The following COG5 variants were observed in gnomAD, a reference collection of about 807,000 sequenced individuals.
COG5 encodes the protein component of oligomeric golgi complex 5.
Under a neutral mutation model 110.4 loss-of-function variants are expected in COG5, and 86 were observed. The observed-to-expected ratio is 0.78, with a 90% CI of 0.65 to 0.93. The LOEUF is 0.93. Among genes scored for constraint, COG5 ranks in the 40% least tolerant of loss-of-function variants. COG5 has a pLI of 0.00. For synonymous variants in COG5, 360 were observed against 334.6 expected (o/e 1.08, Z -0.83); for missense variants, 1,077 against 987.0 (o/e 1.09, Z -1.22).
intron 5 of COG5, among the ~76,000 whole-genome samples, chr7:107,541,613 TAA>T (rs201691865): frequency 0.012 from 1,656 of 141,802 alleles, 32 homozygotes; most frequent in African/African-American, 0.041. Context: ...AGAGAAGATA[TAA>T]AAAGACACAA....
intron 12 of COG5, among the ~76,000 whole-genome samples, chr7:107,294,713 C>CTTTTTT (rs796291188): frequency 1.8e-5 from 2 of 110,032 alleles, no homozygotes; most frequent in Non-Finnish European, 1.8e-5. Context: ...AATTTTCTTT[C>CTTTTTT]TTTTTTTTTT....
intron 10 of COG5, among the ~76,000 whole-genome samples, chr7:107,353,862 T>C (rs1254464100): frequency 2.1e-5 from 3 of 145,350 alleles, no homozygotes; most frequent in Non-Finnish European, 4.6e-5. Context: ...CCCACTATCA[T>C]GTGGGATTTT....
chr7:107,360,466 CAAG>C (rs1325806875), intron 10 of COG5, among the ~76,000 whole-genome samples: 1 of 152,316 alleles, frequency 6.6e-6, no homozygotes, highest in Non-Finnish European at 1.5e-5. Context: ...TTCTGGGCAA[CAAG>C]AAGGAGAGAA....
At chr7:107,437,692 A>G (rs1794451595) in intron 6 of COG5, among the ~76,000 whole-genome samples, 1 of 152,186 alleles carries the variant, frequency 6.6e-6, no homozygotes, top group African/African-American at 2.4e-5. Flanking sequence ...ATATTAATGT[A>G]CATCTTAATA....
rs1022934607 is a variant in COG5, at chr7:107,450,162, A to G, written c.539-37530T>C. On this transcript the variant is annotated intron_variant, in intron 6 of 21. Coordinates refer to ENST00000297135, the MANE Select transcript of COG5 (RefSeq NM_006348.5). ...GGTGCCTCCCTCTGGAAAACACTGA[A>G]GAAAACTGAAATCAGCCATCCTGCC... 7 of 153,796 alleles carry G rather than the reference A, an allele frequency of 4.6e-5. No individual in the cohort carries two copies. The East Asian group carries it at 1.3e-3, about 29-fold the overall frequency. The allele number at this position is 153,796 out of a possible 1,614,324, so 9.5% of individuals were successfully genotyped here.
chr7:107,288,834 T>C (rs1044377368), intron 12 of COG5, among the ~76,000 whole-genome samples: 11 of 148,398 alleles, frequency 7.4e-5, no homozygotes, highest in Non-Finnish European at 1.0e-4. Flanking sequence ...TTGATTGTGA[T>C]TTTGCTGTCA....
At chr7:107,311,922 C>G (rs375741641) in intron 11 of COG5, among the ~76,000 whole-genome samples, 2 of 151,740 alleles carry the variant, frequency 1.3e-5, no homozygotes, top group Non-Finnish European at 2.9e-5. Context: ...AGAAAATTTT[C>G]CCCCGATTCC....
At chr7:107,545,624 A>G (rs1802355628) in intron 5 of COG5, among the ~76,000 whole-genome samples, 1 of 151,978 alleles carries the variant, frequency 6.6e-6, no homozygotes, top group East Asian at 1.9e-4. Flanking sequence ...TACCAAAAAT[A>G]CAAAAATTAG....
intron 12 of COG5, among the ~76,000 whole-genome samples, chr7:107,297,920 A>G (rs547602308): frequency 3.9e-5 from 6 of 152,274 alleles, no homozygotes; most frequent in African/African-American, 1.2e-4. Context: ...GTTACACTTT[A>G]AAATTGACTC....
At chr7:107,410,232 T>C (rs911678516) in intron 7 of COG5, among the ~76,000 whole-genome samples, 1 of 152,172 alleles carries the variant, frequency 6.6e-6, no homozygotes, top group African/African-American at 2.4e-5. Flanking sequence ...CAGCTATCTG[T>C]GTTTTAACCA....
intron 6 of COG5, among the ~76,000 whole-genome samples, chr7:107,517,842 T>C (rs1800043370): frequency 6.6e-6 from 1 of 151,838 alleles, no homozygotes; most frequent in Non-Finnish European, 1.5e-5. Flanking sequence ...GGATTACAGG[T>C]GTGCACCATC....
At chr7:107,222,761 T>C (rs1800032756) in intron 19 of COG5, among the ~76,000 whole-genome samples, 2 of 152,322 alleles carry the variant, frequency 1.3e-5, no homozygotes, top group Non-Finnish European at 1.5e-5. Context: ...AAATAAGGTG[T>C]TATAAAATGC....
intron 11 of COG5, among the ~76,000 whole-genome samples, chr7:107,303,195 G>A (rs12534676): frequency 0.16 from 23,757 of 151,740 alleles, 2,316 homozygotes; most frequent in Non-Finnish European, 0.22. Flanking sequence ...GATTACAGGT[G>A]TGAGCTATCA....
intron 5 of COG5, among the ~76,000 whole-genome samples, chr7:107,529,443 A>T (rs1801016168): frequency 6.6e-6 from 1 of 152,180 alleles, no homozygotes; most frequent in South Asian, 2.1e-4. Flanking sequence ...GGGAGAAGCA[A>T]CTTCCAGGGC....
chr7:107,245,752 T>C (rs879181707), intron 17 of COG5, among the ~76,000 whole-genome samples: 1 of 152,172 alleles, frequency 6.6e-6, no homozygotes, highest in Non-Finnish European at 1.5e-5. Flanking sequence ...TGCTCATGGA[T>C]AGGAAGAATC....
At chr7:107,411,349 C>CT (rs976511134) in intron 7 of COG5, among the ~76,000 whole-genome samples, 45 of 147,444 alleles carry the variant, frequency 3.1e-4, no homozygotes, top group African/African-American at 4.0e-4. Flanking sequence ...GAGAAATACT[C>CT]TTTTTTTTTT....
At chr7:107,421,798 T>G (rs564694259) in intron 6 of COG5, among the ~76,000 whole-genome samples, 18 of 151,998 alleles carry the variant, frequency 1.2e-4, no homozygotes, top group African/African-American at 4.1e-4. Context: ...TTGATCATAA[T>G]GGAATCAAAT....
intron 10 of COG5, among the ~76,000 whole-genome samples, chr7:107,358,909 C>A (rs772050200): frequency 4.6e-5 from 7 of 152,346 alleles, no homozygotes; most frequent in Non-Finnish European, 1.0e-4. Flanking sequence ...TTGCCCCATG[C>A]ATCTTTTTTT....
chr7:107,272,303 A>G (rs1254407208), intron 14 of COG5, among the ~76,000 whole-genome samples: 1 of 152,172 alleles, frequency 6.6e-6, no homozygotes, highest in Non-Finnish European at 1.5e-5. Context: ...GCAACGATTT[A>G]TTTCTTATCT....
Sources: allele counts gnomAD v4.1 joint callset (sites outside exome capture counted in the v4.1 genomes callset), GRCh38; gene constraint gnomAD v4.1.1; transcripts MANE v1.5; gene names NCBI Gene and HGNC (gene_info 2026-07-23, HGNC 2026-07-21).